The following PCDHA4 variants were observed in gnomAD, a reference collection of about 807,000 sequenced individuals.
PCDHA4 encodes the protein protocadherin alpha-4.
A neutral mutation model predicts 61.4 loss-of-function variants in PCDHA4; 49 were observed. That is an observed-to-expected ratio of 0.80 (90% CI 0.63 to 1.01). The LOEUF is 1.01. PCDHA4 is among the 50% of genes least tolerant of loss of function. PCDHA4 has a pLI of 0.00. For missense variants in PCDHA4, 1,254 were observed against 1,235.8 expected, an observed-to-expected ratio of 1.01 and a Z score of -0.22; for synonymous variants, 590 against 550.3, an observed-to-expected ratio of 1.07 and a Z score of -1.01.
chr5:140,875,349 C>T lies in PCDHA4; in HGVS notation c.2385+65777C>T, dbSNP rs113418307. The T allele has an allele frequency of 9.7e-4, 1,402 of 1,444,894 alleles. 9 individuals carry two copies. In the African/African-American group the frequency reaches 0.018, roughly 18 times the overall value. 89.5% of individuals were successfully genotyped at this position (1,444,894 alleles called of 1,614,324 possible). A position where few individuals can be genotyped will look rare whatever the true frequency, so the allele number is the denominator to read the frequency against. ...CGGAATAGGATCGACTCCATAATGA[C>T]TGTGATGCTGGAAAAAATTTACTAA... On this transcript the variant is annotated intron_variant, in intron 1 of 3. Coordinates refer to ENST00000530339, the MANE Select transcript of PCDHA4 (RefSeq NM_018907.4).
rs2098422979 is a variant in PCDHA4, at chr5:141,012,116, T to C, written c.*2179T>C. The C allele has an allele frequency of 6.5e-6, 1 of 153,756 alleles. No individual in the cohort carries two copies. Among genetic ancestry groups the C allele is most frequent in the African/African-American group, 2.4e-5 (1 of 41,464 alleles). The allele number at this position is 153,756 out of a possible 1,614,324, so 9.5% of individuals were successfully genotyped here. ...GATCATTTTGCCCCACTGAAGCCCA[T>C]GTATCTGACCTTACGTGCCTTTTGA... On this transcript the variant is annotated 3_prime_UTR_variant, in exon 4 of 4. Coordinates refer to ENST00000530339, the MANE Select transcript of PCDHA4 (RefSeq NM_018907.4).
At chr5:140,961,193 G>C (rs1297758288) in intron 1 of PCDHA4, among the ~76,000 whole-genome samples, 1 of 152,124 alleles carries the variant, frequency 6.6e-6, no homozygotes, top group Non-Finnish European at 1.5e-5. Context: ...CAGGACCCTA[G>C]TGAGGTTGGT....
chr5:140,879,675 G>A (rs141369145), intron 1 of PCDHA4, among the ~76,000 whole-genome samples: 1 of 152,360 alleles, frequency 6.6e-6, no homozygotes, highest in South Asian at 2.1e-4. Context: ...CAAACTGGGT[G>A]CTGTAAAACA....
intron 1 of PCDHA4, among the ~76,000 whole-genome samples, chr5:140,902,816 G>A (rs1447534950): frequency 6.6e-6 from 1 of 150,906 alleles, no homozygotes; most frequent in Non-Finnish European, 1.5e-5. Flanking sequence ...TACAATATTT[G>A]GTTTTCGATT....
Position 140,824,248 on chromosome 5 carries a change from A to C in PCDHA4, c.2385+14676A>C, listed in dbSNP as rs2150133568. On this transcript the variant is annotated intron_variant, in intron 1 of 3. Transcript: ENST00000530339. Reference sequence around the variant, plus strand: ...TTAGTACACAAATATTGTGGTACACAATTATTGCACTAATTCATGTATTAT... The same window carrying C: ...TTAGTACACAAATATTGTGGTACACCATTATTGCACTAATTCATGTATTAT... 7 of 1,434,750 alleles carry C rather than the reference A, an allele frequency of 4.9e-6. No homozygotes were observed. The Admixed American group carries it at 1.2e-4, about 25-fold the overall frequency. 88.9% of individuals were successfully genotyped at this position (1,434,750 alleles called of 1,614,324 possible). A position where few individuals can be genotyped will look rare whatever the true frequency, so the allele number is the denominator to read the frequency against.
At chr5:140,851,288 A>C in intron 1 of PCDHA4, 1 of 1,036,248 alleles carries the variant, frequency 9.7e-7, no homozygotes, top group Non-Finnish European at 1.2e-6. Context: ...TAAGAAACCC[A>C]AGCAAAAATA....
intron 1 of PCDHA4, chr5:140,828,026 G>A: frequency 2.0e-6 from 3 of 1,519,410 alleles, no homozygotes; most frequent in Non-Finnish European, 2.6e-6. Context: ...ATAAATTCCG[G>A]AACATACAGT....
At chr5:140,873,403 GT>G (rs2054272319) in intron 1 of PCDHA4, among the ~76,000 whole-genome samples, 1 of 152,046 alleles carries the variant, frequency 6.6e-6, no homozygotes, top group South Asian at 2.1e-4. Flanking sequence ...TTCAGTACAG[GT>G]TAAAATTTTG....
At chr5:140,903,567 G>T (rs1554191019) in intron 1 of PCDHA4, among the ~76,000 whole-genome samples, 1 of 152,170 alleles carries the variant, frequency 6.6e-6, no homozygotes, top group African/African-American at 2.4e-5. Flanking sequence ...GTGGAATTGG[G>T]AGCTGTCTAG....
rs1328741778 is a variant in PCDHA4, at chr5:140,850,113, G to T, written c.2385+40541G>T. On this transcript the variant is annotated intron_variant, in intron 1 of 3. Transcript: ENST00000530339. ...ACAGTTCCAGGTGAGCGCGCGCGAC[G>T]CGGGCGTGCCGCCTCTGGGCAGCAA... 18 of 1,595,940 alleles carry T rather than the reference G, an allele frequency of 1.1e-5. 2 individuals are homozygous for T. Among genetic ancestry groups the T allele is most frequent in the Non-Finnish European group, 1.5e-5 (18 of 1,167,848 alleles).
In PCDHA4 at chr5:140,823,270, G is replaced by C. The variant is rs1554129230; in HGVS notation, c.2385+13698G>C. The C allele has an allele frequency of 2.5e-6, 4 of 1,612,658 alleles. No homozygotes were observed. In the East Asian group the frequency reaches 8.9e-5, roughly 36 times the overall value. On this transcript the variant is annotated intron_variant, in intron 1 of 3. Transcript: ENST00000530339. ...CTACTCGCTGGTGGAGCGGCGGGTGGGCGAGCGCCCGCTGTCGAGTTACGT... is the reference window on the plus strand; with the variant it reads ...CTACTCGCTGGTGGAGCGGCGGGTGCGCGAGCGCCCGCTGTCGAGTTACGT...
At chr5:140,863,431 T>C (rs782746420) in intron 1 of PCDHA4, 12 of 648,614 alleles carry the variant, frequency 1.9e-5, no homozygotes, top group South Asian at 1.5e-4. Context: ...CGTAGTGGGA[T>C]CTGGTCTTAC....
chr5:140,849,612 A>C lies in PCDHA4; in HGVS notation c.2385+40040A>C, dbSNP rs2040992184. On this transcript the variant is annotated intron_variant, in intron 1 of 3. Transcript: ENST00000530339. ...ACTGGGGACAGTTATTGCCCTGATT[A>C]GTGTGATCGACCTAGACGCAGATGC... 5 of 1,598,736 alleles carry C rather than the reference A, an allele frequency of 3.1e-6. 2 individuals are homozygous for C. The highest frequency in any genetic ancestry group is 4.3e-6 in the Non-Finnish European group (5 of 1,167,986).
chr5:140,969,074 C>T (rs782163688), intron 1 of PCDHA4: 3 of 1,614,142 alleles, frequency 1.9e-6, no homozygotes, highest in Non-Finnish European at 2.5e-6. Flanking sequence ...CAGGATACCG[C>T]ATGGCCTCAA....
intron 1 of PCDHA4, among the ~76,000 whole-genome samples, chr5:140,887,243 C>T (rs950171388): frequency 6.0e-4 from 91 of 152,060 alleles, no homozygotes; most frequent in Non-Finnish European, 1.2e-3. Context: ...ACTACCGGCG[C>T]CCGCCACCAC....
chr5:140,976,812 G>A (rs2096732233), intron 1 of PCDHA4, among the ~76,000 whole-genome samples: 1 of 152,178 alleles, frequency 6.6e-6, no homozygotes, highest in Non-Finnish European at 1.5e-5. Flanking sequence ...CTGAAGATAT[G>A]CATGTGTCTA....
At chr5:140,947,796 T>C (rs2094177808) in intron 1 of PCDHA4, among the ~76,000 whole-genome samples, 2 of 151,630 alleles carry the variant, frequency 1.3e-5, no homozygotes, top group Non-Finnish European at 3.0e-5. Context: ...AACAGACTTT[T>C]AATTTGCAGA....
Position 140,809,077 on chromosome 5 carries a change from G to C in PCDHA4, c.1890G>C (p.Glu630Asp), listed in dbSNP as rs1554124986. Residue 630 changes from glutamate to aspartate, a missense_variant, in exon 1 of 4, where the codon GAG becomes GAC. Physicochemically the swap from Glu to Asp is conservative, Grantham distance 45 (BLOSUM62 2). Transcript: ENST00000530339. Reference protein sequence around the residue: ...IPFRVGLYTGEISTTRALDET... With the variant: ...IPFRVGLYTGDISTTRALDET... ...TCCGCGTGGGGCTGTACACTGGCGAGATCAGCACAACGCGTGCCCTGGACG... is the reference window on the plus strand; with the variant it reads ...TCCGCGTGGGGCTGTACACTGGCGACATCAGCACAACGCGTGCCCTGGACG... The C allele has an allele frequency of 1.2e-6, 2 of 1,613,962 alleles. No individual in the cohort carries two copies. Among genetic ancestry groups the C allele is most frequent in the South Asian group, 2.2e-5 (2 of 91,086 alleles).
At chr5:140,894,405 CT>C (rs1198263353) in intron 1 of PCDHA4, among the ~76,000 whole-genome samples, 2 of 151,926 alleles carry the variant, frequency 1.3e-5, no homozygotes, top group African/African-American at 4.8e-5. Context: ...CTTTGCTTTT[CT>C]TTTGTAGCTA....
Sources: allele counts gnomAD v4.1 joint callset (sites outside exome capture counted in the v4.1 genomes callset), GRCh38; gene constraint gnomAD v4.1.1; transcripts MANE v1.5; gene names NCBI Gene and HGNC (gene_info 2026-07-23, HGNC 2026-07-21).